SLC7A14: variants seen among roughly 807,000 people sequenced by gnomAD.
SLC7A14 encodes the protein gamma-aminobutyric acid transporter SLC7A14.
SLC7A14 carries 37 observed loss-of-function variants against 60.2 expected under a neutral mutation model. The ratio of observed to expected loss-of-function variants is 0.61; its 90% CI spans 0.47 to 0.81. SLC7A14 has a LOEUF of 0.81. Ranked by LOEUF, SLC7A14 falls within the 30% of genes least tolerant of loss-of-function variation. The pLI is 0.00. For synonymous variants in SLC7A14, 399 were observed against 395.8 expected (o/e 1.01, Z -0.10); for missense variants, 886 against 982.7 (o/e 0.90, Z 1.32).
At chr3:170,515,629 T>TC (rs1553869941) in intron 2 of SLC7A14, among the ~76,000 whole-genome samples, 28 of 149,976 alleles carry the variant, frequency 1.9e-4, no homozygotes, top group Admixed American at 8.0e-4. Context: ...TGTGTTGGGG[T>TC]GGGGGGGGAG....
intron 1 of SLC7A14, among the ~76,000 whole-genome samples, chr3:170,566,687 G>A (rs1714798362): frequency 1.3e-5 from 2 of 152,042 alleles, no homozygotes; most frequent in African/African-American, 4.8e-5. Flanking sequence ...AGCCGTCAAG[G>A]CCCGGAAGAG....
intron 4 of SLC7A14, among the ~76,000 whole-genome samples, chr3:170,489,421 C>A (rs1712143638): frequency 6.6e-6 from 1 of 152,062 alleles, no homozygotes; most frequent in Non-Finnish European, 1.5e-5. Context: ...TGGCTTATAT[C>A]CAAAAGACAG....
intron 1 of SLC7A14, among the ~76,000 whole-genome samples, chr3:170,527,602 CCATGAGTCTTAAGAGGGGCCATGCCA>C (rs1374965470): frequency 1.3e-5 from 2 of 152,190 alleles, no homozygotes; most frequent in African/African-American, 4.8e-5. Context: ...AAAATTAGAT[CCATGAGTCTTAAGAGGGGCCATGCCA>C]CCCCATGGGT....
At chr3:170,548,554 C>T (rs569798524) in intron 1 of SLC7A14, among the ~76,000 whole-genome samples, 1 of 152,316 alleles carries the variant, frequency 6.6e-6, no homozygotes, top group South Asian at 2.1e-4. Flanking sequence ...CCACTCTTTG[C>T]CTAGCTTAGT....
rs1362906907 is a variant in SLC7A14 at position 170,496,485 on chromosome 3, A to C, written c.759+2182T>G. On this transcript the variant is annotated intron_variant, in intron 4 of 7. Transcript: ENST00000231706. The stretch of plus-strand genomic sequence containing the variant: ...GCTGGCCGTTAAGGATGCCAGCGCC[A>C]AGCGGTCGGAGCTGGAGGCCGCCCT... The C allele has an allele frequency of 2.2e-6, 3 of 1,380,238 alleles. No homozygotes were observed. In the Admixed American group the frequency reaches 5.0e-5, roughly 23 times the overall value. The allele number at this position is 1,380,238 out of a possible 1,614,324, so 85.5% of individuals were successfully genotyped here.
At chr3:170,555,323 C>T (rs2108307312) in intron 1 of SLC7A14, among the ~76,000 whole-genome samples, 1 of 152,068 alleles carries the variant, frequency 6.6e-6, no homozygotes, top group East Asian at 1.9e-4. Context: ...CCACTGTTAA[C>T]ATTTTGGTTG....
intron 1 of SLC7A14, among the ~76,000 whole-genome samples, chr3:170,534,430 C>G (rs1356541142): frequency 6.6e-6 from 1 of 152,168 alleles, no homozygotes; most frequent in Non-Finnish European, 1.5e-5. Context: ...GTGTCCTCCT[C>G]CCATTGAAGG....
chr3:170,471,726 T>G (rs949345718), intron 7 of SLC7A14, among the ~76,000 whole-genome samples: 1 of 152,166 alleles, frequency 6.6e-6, no homozygotes, highest in Non-Finnish European at 1.5e-5. Context: ...TAATATCTTT[T>G]GAGGGTGGAT....
At chr3:170,576,068 C>T (rs1286548854) in intron 1 of SLC7A14, among the ~76,000 whole-genome samples, 1 of 152,158 alleles carries the variant, frequency 6.6e-6, no homozygotes, top group Admixed American at 6.5e-5. Context: ...CTCATTTATC[C>T]ACCTGAAAAA....
intron 1 of SLC7A14, among the ~76,000 whole-genome samples, chr3:170,560,073 G>T (rs988912787): frequency 7.2e-5 from 11 of 152,216 alleles, no homozygotes; most frequent in Non-Finnish European, 1.6e-4. Flanking sequence ...TTTTGAATCA[G>T]ACCTTACATT....
chr3:170,487,755 G>A (rs966302914), intron 4 of SLC7A14, among the ~76,000 whole-genome samples: 16 of 152,172 alleles, frequency 1.1e-4, no homozygotes, highest in Admixed American at 9.2e-4. Flanking sequence ...CTACTCTGGG[G>A]TTCTTATCCT....
chr3:170,509,545 C>T (rs1712898892), intron 2 of SLC7A14, among the ~76,000 whole-genome samples: 1 of 152,222 alleles, frequency 6.6e-6, no homozygotes, highest in African/African-American at 2.4e-5. Context: ...CACGGTGGCT[C>T]ACACCTGTAA....
intron 2 of SLC7A14, among the ~76,000 whole-genome samples, chr3:170,512,654 ATTTTTTTTTTTTTT>A (rs71176570): frequency 3.2e-5 from 2 of 63,168 alleles, no homozygotes; most frequent in East Asian, 6.4e-4. Context: ...TACAATTTGC[ATTTTTTTTTTTTTT>A]TTTTTTTTTT....
rs184110997 is a variant in SLC7A14, at chr3:170,486,569, T to A, written c.760-201A>T. Among the ~76,000 whole-genome samples the A allele has an allele frequency of 3.0e-3, 456 of 152,210 alleles. 1 individual carries two copies. The highest frequency in any genetic ancestry group is 0.01 in the African/African-American group (430 of 41,530). ...GGCTGTGGGCAACTCTCTTATGATG[T>A]GTAAATAGAGATAAGAAGAATTGGC... On this transcript the variant is annotated intron_variant, in intron 4 of 7. Transcript: ENST00000231706.
intron 2 of SLC7A14, among the ~76,000 whole-genome samples, chr3:170,517,971 A>C (rs1713220621): frequency 6.6e-6 from 1 of 152,246 alleles, no homozygotes; most frequent in Non-Finnish European, 1.5e-5. Context: ...ACTATGAGAA[A>C]GATTTTCTGG....
chr3:170,512,725 A>G (rs578111786), intron 2 of SLC7A14, among the ~76,000 whole-genome samples: 11 of 122,382 alleles, frequency 9.0e-5, no homozygotes, highest in African/African-American at 2.6e-4. Context: ...GTGCAGTGGA[A>G]CCATCTCGGC....
In SLC7A14 at chr3:170,585,611, CCCCCG is replaced by C. The variant is rs1056887724; in HGVS notation, c.-153+295_-153+299del. 1.0e-3 allele frequency among the ~76,000 whole-genome samples: 154 copies of C among 152,266 alleles called. No homozygotes were observed. Among genetic ancestry groups the C allele is most frequent in the African/African-American group, 3.5e-3 (144 of 41,558 alleles). On this transcript the variant is annotated intron_variant, in intron 1 of 7. Transcript: ENST00000231706. This position sits in a 1 kb window ranked among gnomAD's most constrained non-coding sequence, Gnocchi z 5.1. Reference sequence around the variant, plus strand: ...TCTAGCGGCGCCGGAGCCGCGCTGGCCCCCGCCCCGCCCGGCAGCTCCCGCGAGTC... The same window carrying C: ...TCTAGCGGCGCCGGAGCCGCGCTGGCCCCCGCCCGGCAGCTCCCGCGAGTC...
chr3:170,554,718 C>G (rs990662180), intron 1 of SLC7A14, among the ~76,000 whole-genome samples: 1 of 152,232 alleles, frequency 6.6e-6, no homozygotes, highest in African/African-American at 2.4e-5. Flanking sequence ...TATCTCTTTG[C>G]TCAGGAGCCT....
At chr3:170,496,482 G>A (rs1712398679) in intron 4 of SLC7A14, 1 of 1,363,720 alleles carries the variant, frequency 7.3e-7, no homozygotes, top group Admixed American at 1.7e-5. Flanking sequence ...GGATGCCAGC[G>A]CCAAGCGGTC....
Sources: gnomAD v4.1 joint callset for allele counts (sites outside exome capture counted in the v4.1 genomes callset) on GRCh38, gnomAD v4.1.1 for gene constraint, Gnocchi (gnomAD v3.1) non-coding constraint, MANE v1.5 for transcripts, NCBI Gene and HGNC (gene_info 2026-07-23, HGNC 2026-07-21) for gene names.